Variants in TAB1 observed in about 807,000 individuals in gnomAD.
TAB1 encodes TGF-beta-activated kinase 1 and MAP3K7-binding protein 1.
In TAB1, 30 loss-of-function variants were observed where a neutral mutation model predicts 54.5. That is an observed-to-expected ratio of 0.55 (90% CI 0.41 to 0.75). The LOEUF (loss-of-function observed/expected upper bound fraction) is 0.75, where lower values mean the gene tolerates loss of function less well. Among genes scored for constraint, TAB1 ranks in the 30% least tolerant of loss-of-function variants. The pLI, the probability that TAB1 is intolerant of heterozygous loss-of-function variation, is 0.00. For synonymous variants in TAB1, 289 were observed against 286.9 expected (o/e 1.01, Z -0.07); for missense variants, 609 against 683.2 (o/e 0.89, Z 1.21).
intron 10 of TAB1, among the ~76,000 whole-genome samples, chr22:39,428,897 C>T (rs1326160558): frequency 6.6e-6 from 1 of 152,268 alleles, no homozygotes; most frequent in Non-Finnish European, 1.5e-5. Context: ...TTTCCCTCTG[C>T]CTCTGGGTTG....
chr22:39,415,113 C>A lies in TAB1; in HGVS notation c.141C>A (p.His47Gln). The A allele has an allele frequency of 1.2e-6, 2 of 1,603,380 alleles. No homozygotes were observed. Among genetic ancestry groups the A allele is most frequent in the Non-Finnish European group, 1.7e-6 (2 of 1,172,826 alleles). Residue 47 changes from histidine to glutamine, a missense_variant, in exon 2 of 11, where the codon CAC (histidine) becomes CAA (glutamine). Transcript: ENST00000216160. This position sits in a 1 kb window ranked among gnomAD's most constrained non-coding sequence, Gnocchi z 4.9. The part of the protein sequence containing the change: ...YSADGKGTES[H>Q]PPEDSWLKFR... ...CTGATGGCAAGGGCACTGAGAGCCA[C>A]CCGCCAGAGGACAGCTGGCTCAAGT...
chr22:39,426,767 C>T lies in TAB1; in HGVS notation c.986C>T (p.Ala329Val). ...ACCTCCCTGGACGCAGTGGCCCAGG[C>T]CGTCGTGGACCGGGTGAAGCGCATC... ...KQTSLDAVAQ[A>V]VVDRVKRIHS... Residue 329 changes from alanine to valine, a missense_variant, in exon 9 of 11, where the codon GCC becomes GTC. By Grantham distance (64) the Ala-to-Val change is moderately conservative. Transcript: ENST00000216160. 6.2e-7 allele frequency: 1 copy of T among 1,613,946 alleles called. No homozygotes were observed. Among genetic ancestry groups the T allele is most frequent in the Non-Finnish European group, 8.5e-7 (1 of 1,179,902 alleles).
Position 39,408,865 on chromosome 22 carries a change from T to C in TAB1, c.34-6141T>C, listed in dbSNP as rs539363852. On this transcript the variant is annotated intron_variant, in intron 1 of 10. Coordinates refer to ENST00000216160, the MANE Select transcript of TAB1 (RefSeq NM_006116.3). ...AGACCCATAAGTTGCTTGGGTCTTA[T>C]TTATTTGGCTGGGAAACTATGGATT... Among the ~76,000 whole-genome samples the C allele has an allele frequency of 5.9e-5, 9 of 152,328 alleles. No homozygotes were observed. The South Asian group carries it at 1.4e-3, about 25-fold the overall frequency.
intron 10 of TAB1, chr22:39,429,359 G>A (rs768365082): frequency 9.1e-6 from 9 of 985,432 alleles, no homozygotes; most frequent in Admixed American, 6.1e-5. Context: ...ATGGACAGTC[G>A]GTGGTTCAGC....
At position 39,415,358 on chromosome 22, in the gene TAB1, G is replaced by C; in HGVS notation, c.171-142G>C. On this transcript the variant is annotated intron_variant, in intron 2 of 10. Coordinates refer to ENST00000216160, the MANE Select transcript of TAB1 (RefSeq NM_006116.3). The surrounding 1 kb of genome is among the most constrained non-coding windows in gnomAD (Gnocchi z 4.9). ...CAGAATGTCATAGCCAGAGTGAAATGATGGCTAAAGCAGGGGGACCCAGGA... is the reference window on the plus strand; with the variant it reads ...CAGAATGTCATAGCCAGAGTGAAATCATGGCTAAAGCAGGGGGACCCAGGA... The C allele has an allele frequency of 2.7e-6, 3 of 1,125,322 alleles. No individual in the cohort carries two copies. The highest frequency in any genetic ancestry group is 3.8e-6 in the Non-Finnish European group (3 of 790,728). 69.7% of individuals were successfully genotyped at this position (1,125,322 alleles called of 1,614,324 possible). A position where few individuals can be genotyped will look rare whatever the true frequency, so the allele number is the denominator to read the frequency against.
Position 39,400,019 on chromosome 22 carries a change from C to T in TAB1, c.33+184C>T, listed in dbSNP as rs572525088. Among the ~76,000 whole-genome samples the T allele has an allele frequency of 3.3e-5, 5 of 152,162 alleles. 1 individual carries two copies. In the East Asian group the frequency reaches 9.7e-4, roughly 29 times the overall value. On this transcript the variant is annotated intron_variant, in intron 1 of 10. Transcript: ENST00000216160. Reference sequence around the variant, plus strand: ...CCGAGGCCAGGGCGTGTGTGCGCGGCGGGCCCGGCCCCCGGGTCAAGGGCG... The same window carrying T: ...CCGAGGCCAGGGCGTGTGTGCGCGGTGGGCCCGGCCCCCGGGTCAAGGGCG...
At position 39,430,459 on chromosome 22, in the gene TAB1, A is replaced by G; in HGVS notation, c.*237A>G. The G allele has an allele frequency of 2.1e-6, 3 of 1,407,698 alleles. No homozygotes were observed. Among genetic ancestry groups the G allele is most frequent in the Non-Finnish European group, 1.9e-6 (2 of 1,080,682 alleles). 87.2% of individuals were successfully genotyped at this position (1,407,698 alleles called of 1,614,324 possible). On this transcript the variant is annotated 3_prime_UTR_variant, in exon 11 of 11. Transcript: ENST00000216160. Reference sequence around the variant, plus strand: ...CACTTCCTCCCAGATGGCCTCAGCCAGGACCATCGCCCTTTCTCAGAGCAG... The same window carrying G: ...CACTTCCTCCCAGATGGCCTCAGCCGGGACCATCGCCCTTTCTCAGAGCAG...
In TAB1 at chr22:39,428,111, C is replaced by A; in HGVS notation, c.1235C>A (p.Pro412His). ...AGCGTGACCCTCTCCCTTGTCATGC[C>A]CTCCCAGGGCCAGATGGTCAACGGG... The part of the protein sequence containing the change: ...KTSVTLSLVM[P>H]SQGQMVNGAH... The change falls in exon 10 of 11, where the codon CCC (proline) becomes CAC (histidine). Residue 412 changes from proline to histidine, a missense_variant. Coordinates refer to ENST00000216160, the MANE Select transcript of TAB1 (RefSeq NM_006116.3). 1 of 1,613,798 alleles carries A rather than the reference C, an allele frequency of 6.2e-7. No individual in the cohort carries two copies. The highest frequency in any genetic ancestry group is 8.5e-7 in the Non-Finnish European group (1 of 1,179,728).
rs1927583188 is a variant in TAB1, at chr22:39,431,481, C to G, written c.*1259C>G. On this transcript the variant is annotated 3_prime_UTR_variant, in exon 11 of 11. Transcript: ENST00000216160. Reference sequence around the variant, plus strand: ...CCCATCTCCCAGTCTCCCTGCCCCCCATGCCCCAGACCGGCCCACCAGGGA... The same window carrying G: ...CCCATCTCCCAGTCTCCCTGCCCCCGATGCCCCAGACCGGCCCACCAGGGA... The G allele has an allele frequency of 2.0e-6, 2 of 985,850 alleles. No homozygotes were observed. Among genetic ancestry groups the G allele is most frequent in the Non-Finnish European group, 2.4e-6 (2 of 830,212 alleles). The allele number at this position is 985,850 out of a possible 1,614,324, so 61.1% of individuals were successfully genotyped here.
At chr22:39,402,305 C>T (rs750864985) in intron 1 of TAB1, among the ~76,000 whole-genome samples, 17 of 151,890 alleles carry the variant, frequency 1.1e-4, no homozygotes, top group Non-Finnish European at 2.1e-4. Context: ...CATGAGCCAC[C>T]GCATCTGGCT....
rs535593850 is a variant in TAB1, at chr22:39,418,718, A to T, written c.551-14A>T. 1.9e-6 allele frequency: 3 copies of T among 1,594,970 alleles called. No homozygotes were observed. In the East Asian group the frequency reaches 6.7e-5, roughly 36 times the overall value. Reference sequence around the variant, plus strand: ...GTGTGTAGTCTTTGCTTAGCTGTTCACATTCTGCCACAGGTACAAACCGTG... The same window carrying T: ...GTGTGTAGTCTTTGCTTAGCTGTTCTCATTCTGCCACAGGTACAAACCGTG... On this transcript the variant is annotated splice_polypyrimidine_tract_variant and intron_variant, in intron 5 of 10. Coordinates refer to ENST00000216160, the MANE Select transcript of TAB1 (RefSeq NM_006116.3).
intron 1 of TAB1, chr22:39,414,619 G>T: frequency 4.7e-6 from 1 of 212,768 alleles, no homozygotes. Flanking sequence ...GGTAACCAAT[G>T]CTCAAGGGAT....
At chr22:39,402,594 C>T (rs1420816206) in intron 1 of TAB1, among the ~76,000 whole-genome samples, 1 of 152,130 alleles carries the variant, frequency 6.6e-6, no homozygotes, top group African/African-American at 2.4e-5. Context: ...TCACTGTCAC[C>T]CAGACTGGAG....
At chr22:39,425,586 G>A (rs1047262658) in intron 8 of TAB1, among the ~76,000 whole-genome samples, 1 of 150,142 alleles carries the variant, frequency 6.7e-6, no homozygotes, top group Non-Finnish European at 1.5e-5. Flanking sequence ...ATGGAGTCTC[G>A]CTCTGTCACC....
chr22:39,424,060 A>G (rs779915253), intron 8 of TAB1, among the ~76,000 whole-genome samples: 10 of 152,130 alleles, frequency 6.6e-5, no homozygotes, highest in Non-Finnish European at 1.3e-4. Context: ...ATGCCTGTGC[A>G]TTCCCATCAT....
chr22:39,436,704 C>A (rs1927799854), downstream of TAB1: 3 of 684,974 alleles, frequency 4.4e-6, no homozygotes, highest in Non-Finnish European at 7.6e-6. Context: ...ACTGGGCAGA[C>A]CCCCTCCCTC....
intron 1 of TAB1, among the ~76,000 whole-genome samples, chr22:39,402,027 G>T (rs1601680104): frequency 6.6e-6 from 1 of 152,196 alleles, no homozygotes; most frequent in East Asian, 1.9e-4. Context: ...AATACCTGGG[G>T]CACTGTCTTG....
chr22:39,415,018 A>C lies in TAB1; in HGVS notation c.46A>C (p.Ser16Arg). The C allele has an allele frequency of 1.2e-6, 2 of 1,614,004 alleles. No individual in the cohort carries two copies. The highest frequency in any genetic ancestry group is 1.7e-6 in the Non-Finnish European group (2 of 1,179,962). The stretch of plus-strand genomic sequence containing the variant: ...TGTCCTTCCCCAGGAGCAGCAGCCA[A>C]GCTGGACAGATGACCTGCCTCTCTG... Reference protein sequence around the residue: ...RSLLQSEQQPSWTDDLPLCHL... With the variant: ...RSLLQSEQQPRWTDDLPLCHL... The change falls in exon 2 of 11, where the codon AGC becomes CGC. Residue 16 changes from serine to arginine, a missense_variant. Coordinates refer to ENST00000216160, the MANE Select transcript of TAB1 (RefSeq NM_006116.3). This position sits in a 1 kb window ranked among gnomAD's most constrained non-coding sequence, Gnocchi z 4.9.
At chr22:39,433,845 T>C (rs1048622966), downstream of TAB1, 3 of 984,350 alleles carry the variant, frequency 3.0e-6, no homozygotes, top group Non-Finnish European at 3.6e-6. Context: ...TTAGCACAGA[T>C]GCCCCCTCTG....
Sources: allele counts gnomAD v4.1 joint callset (sites outside exome capture counted in the v4.1 genomes callset), GRCh38; gene constraint gnomAD v4.1.1; non-coding constraint Gnocchi (gnomAD v3.1); transcripts MANE v1.5; gene names NCBI Gene and HGNC (gene_info 2026-07-23, HGNC 2026-07-21).